The following DCC variants were observed in gnomAD, a reference collection of about 807,000 sequenced individuals.
The protein encoded by DCC is netrin receptor DCC.
DCC carries 58 observed loss-of-function variants against 172.5 expected under a neutral mutation model. The observed-to-expected ratio is 0.34, with a 90% CI of 0.27 to 0.42. DCC has a LOEUF of 0.42. Among genes scored for constraint, DCC ranks in the 10% least tolerant of loss-of-function variants. DCC has a pLI of 1.00. For synonymous variants in DCC, 709 were observed against 644.5 expected (o/e 1.10, Z -1.52); for missense variants, 1,740 against 1,791.0 (o/e 0.97, Z 0.51).
intron 14 of DCC, among the ~76,000 whole-genome samples, chr18:53,338,032 G>T (rs912046752): frequency 6.6e-6 from 1 of 152,172 alleles, no homozygotes; most frequent in Non-Finnish European, 1.5e-5. Context: ...GCCAAGAACT[G>T]TGTTAAGCAC....
intron 1 of DCC, among the ~76,000 whole-genome samples, chr18:52,488,379 T>A (rs2030334355): frequency 6.6e-6 from 1 of 152,118 alleles, no homozygotes; most frequent in Non-Finnish European, 1.5e-5. Context: ...CGTAACTGGG[T>A]TTTTTCCTCC....
intron 12 of DCC, among the ~76,000 whole-genome samples, chr18:53,298,156 A>G (rs1300581514): frequency 6.6e-6 from 1 of 152,164 alleles, no homozygotes; most frequent in Non-Finnish European, 1.5e-5. Context: ...TAAGTTCTCC[A>G]GGCTTATCAA....
At chr18:52,357,771 C>G (rs530371047) in intron 1 of DCC, among the ~76,000 whole-genome samples, 1 of 151,986 alleles carries the variant, frequency 6.6e-6, no homozygotes, top group Non-Finnish European at 1.5e-5. Flanking sequence ...CCCGTCTCTA[C>G]TAAAAATACA....
chr18:52,970,686 A>G (rs1397757999), intron 5 of DCC, among the ~76,000 whole-genome samples: 1 of 152,178 alleles, frequency 6.6e-6, no homozygotes, highest in Non-Finnish European at 1.5e-5. Flanking sequence ...TAAATATAGC[A>G]TGGGGTGGGG....
chr18:53,472,827 C>T (rs367977315), intron 25 of DCC, among the ~76,000 whole-genome samples: 32 of 152,198 alleles, frequency 2.1e-4, no homozygotes, highest in African/African-American at 7.5e-4. Context: ...CCAGTGGCTC[C>T]CATTTGTCTG....
chr18:52,965,964 A>G (rs2040923068), intron 5 of DCC, among the ~76,000 whole-genome samples: 1 of 152,174 alleles, frequency 6.6e-6, no homozygotes, highest in African/African-American at 2.4e-5. Context: ...CAGTACATTC[A>G]ATAAACTCCA....
chr18:53,490,135 C>A (rs1041575876), intron 26 of DCC, among the ~76,000 whole-genome samples: 1 of 152,046 alleles, frequency 6.6e-6, no homozygotes, highest in Non-Finnish European at 1.5e-5. Context: ...TGTTCTCCCT[C>A]AAATGGGAAA....
At chr18:53,375,911 T>A (rs2058105668) in intron 15 of DCC, among the ~76,000 whole-genome samples, 1 of 152,096 alleles carries the variant, frequency 6.6e-6, no homozygotes, top group South Asian at 2.1e-4. Flanking sequence ...AGAGGAAAAC[T>A]CAGACCTTCT....
At chr18:53,286,439 CT>C (rs2056936620) in intron 12 of DCC, among the ~76,000 whole-genome samples, 1 of 152,152 alleles carries the variant, frequency 6.6e-6, no homozygotes, top group African/African-American at 2.4e-5. Context: ...TGCCTTTCAC[CT>C]TCCACCATGA....
intron 1 of DCC, among the ~76,000 whole-genome samples, chr18:52,743,521 G>C (rs1452463262): frequency 6.6e-6 from 1 of 152,180 alleles, no homozygotes; most frequent in African/African-American, 2.4e-5. Context: ...GCAGCTTAGA[G>C]AGTTAGCTCT....
intron 5 of DCC, among the ~76,000 whole-genome samples, chr18:52,983,413 T>G (rs1012210920): frequency 2.0e-5 from 3 of 152,206 alleles, no homozygotes; most frequent in Non-Finnish European, 2.9e-5. Flanking sequence ...CCTATCAAAT[T>G]TTTATCCTAT....
intron 5 of DCC, among the ~76,000 whole-genome samples, chr18:53,018,171 A>G (rs1263083031): frequency 6.6e-6 from 1 of 152,202 alleles, no homozygotes; most frequent in African/African-American, 2.4e-5. Flanking sequence ...AAGTTTAATA[A>G]TAATAAGAAG....
intron 9 of DCC, among the ~76,000 whole-genome samples, chr18:53,198,936 A>G (rs1276747503): frequency 6.6e-6 from 1 of 152,174 alleles, no homozygotes; most frequent in East Asian, 1.9e-4. Flanking sequence ...GAGGAATATT[A>G]AAGACATCTT....
At chr18:53,375,616 C>CCTTTTTTTTTTT (rs1555660825) in intron 15 of DCC, among the ~76,000 whole-genome samples, 4 of 123,088 alleles carry the variant, frequency 3.2e-5, no homozygotes, top group Non-Finnish European at 3.3e-5. Context: ...ATATTTAATT[C>CCTTTTTTTTTTT]TTTTTTTTTT....
chr18:52,860,544 T>A (rs570534087), intron 2 of DCC, among the ~76,000 whole-genome samples: 2 of 152,364 alleles, frequency 1.3e-5, no homozygotes, highest in South Asian at 4.1e-4. Flanking sequence ...CAGTTTTCTT[T>A]TGAAACATAA....
intron 2 of DCC, among the ~76,000 whole-genome samples, chr18:52,902,741 A>G (rs2039828014): frequency 6.6e-6 from 1 of 152,186 alleles, no homozygotes; most frequent in South Asian, 2.1e-4. Flanking sequence ...GCTAAAATTT[A>G]GCACAATATT....
intron 12 of DCC, among the ~76,000 whole-genome samples, chr18:53,231,961 A>T (rs116895949): frequency 6.6e-6 from 1 of 152,086 alleles, no homozygotes; most frequent in Non-Finnish European, 1.5e-5. Flanking sequence ...CTTCAAGCTC[A>T]TGCTTGAACT....
At chr18:53,234,567 T>C (rs371624029) in intron 12 of DCC, among the ~76,000 whole-genome samples, 1 of 152,282 alleles carries the variant, frequency 6.6e-6, no homozygotes, top group East Asian at 1.9e-4. Flanking sequence ...ACCCTCACTC[T>C]CTTAAACAGT....
intron 12 of DCC, among the ~76,000 whole-genome samples, chr18:53,305,301 A>G (rs543741909): frequency 6.6e-6 from 1 of 152,324 alleles, no homozygotes; most frequent in South Asian, 2.1e-4. Context: ...TTGTGGCTTT[A>G]TACCATTTAG....
Sources: gnomAD v4.1 joint callset for allele counts (sites outside exome capture counted in the v4.1 genomes callset) on GRCh38, gnomAD v4.1.1 for gene constraint, MANE v1.5 for transcripts, NCBI Gene and HGNC (gene_info 2026-07-23, HGNC 2026-07-21) for gene names.